PXDNL: variants seen among roughly 807,000 people sequenced by gnomAD.
PXDNL encodes the protein probable oxidoreductase PXDNL.
In PXDNL, 145 loss-of-function variants were observed where a neutral mutation model predicts 150.8. The observed-to-expected ratio is 0.96, with a 90% CI of 0.84 to 1.10. The LOEUF (loss-of-function observed/expected upper bound fraction) is 1.10. PXDNL is among the 50% of genes least tolerant of loss of function. The pLI, the probability that PXDNL is intolerant of heterozygous loss-of-function variation, is 0.00. For missense variants in PXDNL, 2,087 were observed against 1,873.9 expected (o/e 1.11, Z -2.10); for synonymous variants, 757 against 725.7 (o/e 1.04, Z -0.69).
At chr8:51,460,136 G>C (rs1399865476) in intron 8 of PXDNL, among the ~76,000 whole-genome samples, 1 of 151,072 alleles carries the variant, frequency 6.6e-6, no homozygotes, top group Admixed American at 6.6e-5. Flanking sequence ...TGTAGTCCCA[G>C]CTACTTGGAG....
In PXDNL at chr8:51,602,144, T is replaced by G. The variant is rs78916372; in HGVS notation, c.237-9446A>C. Among the ~76,000 whole-genome samples the G allele has an allele frequency of 1.2e-3, 177 of 152,116 alleles. 3 individuals are homozygous for G. In the East Asian group the frequency reaches 0.033, roughly 29 times the overall value. On this transcript the variant is annotated intron_variant, in intron 2 of 22. Transcript: ENST00000356297. Reference sequence around the variant, plus strand: ...TGAGCATTGATTTTGGACAGTCTGGTGACTATACGCCTTGGTGATGTTTGT... The same window carrying G: ...TGAGCATTGATTTTGGACAGTCTGGGGACTATACGCCTTGGTGATGTTTGT...
At chr8:51,338,576 A>G (rs1019002840) in intron 21 of PXDNL, among the ~76,000 whole-genome samples, 2 of 152,234 alleles carry the variant, frequency 1.3e-5, no homozygotes, top group Non-Finnish European at 2.9e-5. Context: ...ATCCTCCTAC[A>G]GTGTTTTCTG....
At chr8:51,538,044 A>G (rs1034368044) in intron 4 of PXDNL, among the ~76,000 whole-genome samples, 3 of 152,232 alleles carry the variant, frequency 2.0e-5, no homozygotes, top group African/African-American at 7.2e-5. Flanking sequence ...GAATTGCATA[A>G]TGCAGAATAG....
Position 51,408,399 on chromosome 8 carries a change from G to A in PXDNL, c.3225C>T (p.Ser1075=), listed in dbSNP as rs1312885571. 31 of 1,613,902 alleles carry A rather than the reference G, an allele frequency of 1.9e-5. No homozygotes were observed. The highest frequency in any genetic ancestry group is 2.5e-5 in the Non-Finnish European group (30 of 1,179,912). Residue 1075 remains serine, a synonymous_variant, in exon 17 of 23, where the codon TCC becomes TCT. Transcript: ENST00000356297. ...CTTTATGGAACGGAAGGTGGCCTTC[G>A]GAAATTTCACCTAAGGTGGCATTCA... ...YRLNATLGEI[S]EGHLPFHKAL...
At position 51,411,368 on chromosome 8, in the gene PXDNL, A is replaced by G. The variant is rs1563400535; in HGVS notation, c.1944T>C (p.His648=). 1.9e-6 allele frequency: 3 copies of G among 1,576,586 alleles called. No individual in the cohort carries two copies. The highest frequency in any genetic ancestry group is 2.6e-6 in the Non-Finnish European group (3 of 1,166,732). The change falls in exon 16 of 23, where the codon CAT becomes CAC. Residue 648 remains histidine, a synonymous_variant. Transcript: ENST00000356297. ...CCACAATCAGTGGGTCACGCGGGTA[A>G]TGAAATTGAGCCAGCAGGTCACTGG... ...HTSSDLLAQF[H]YPRDPLIVEM... is the part of the protein sequence containing the mutation.
In PXDNL at chr8:51,411,374, T is replaced by A; in HGVS notation, c.1938A>T (p.Gln646His). 5 of 1,575,098 alleles carry A rather than the reference T, an allele frequency of 3.2e-6. No individual in the cohort carries two copies. Among genetic ancestry groups the A allele is most frequent in the Non-Finnish European group, 4.3e-6 (5 of 1,166,186 alleles). ...KPHTSSDLLA[Q>H]FHYPRDPLIV... ...TCAGTGGGTCACGCGGGTAATGAAA[T>A]TGAGCCAGCAGGTCACTGGAGGTGT... Residue 646 changes from glutamine (Q) to histidine (H), a missense_variant, in exon 16 of 23, where the codon CAA becomes CAT. Coordinates refer to ENST00000356297, the MANE Select transcript of PXDNL (RefSeq NM_144651.5).
intron 1 of PXDNL, among the ~76,000 whole-genome samples, chr8:51,763,878 T>C (rs1293288663): frequency 6.6e-6 from 1 of 152,250 alleles, no homozygotes. Flanking sequence ...GAAAAATCTG[T>C]GAAGAATTGT....
chr8:51,629,911 A>G (rs1431483539), intron 2 of PXDNL, among the ~76,000 whole-genome samples: 1 of 152,192 alleles, frequency 6.6e-6, no homozygotes, highest in African/African-American at 2.4e-5. Context: ...TACAAATGAC[A>G]TTTTTCAAAG....
rs202107462 is a variant in PXDNL, at chr8:51,744,893, GGAAA to G, written c.164+64284_164+64287del. On this transcript the variant is annotated intron_variant, in intron 1 of 22. Transcript: ENST00000356297. ...AAAAGGGAAAGAGAAAGAGAAGGAA[GGAAA>G]GAAGGAAGGAAGGAAGGAAGGAAAG... 7.0e-4 allele frequency among the ~76,000 whole-genome samples: 94 copies of G among 135,094 alleles called. 1 individual carries two copies. The highest frequency in any genetic ancestry group is 4.7e-3 in the Middle Eastern group (1 of 212). 88.6% of individuals were successfully genotyped at this position (135,094 alleles called of 152,430 possible). A position where few individuals can be genotyped will look rare whatever the true frequency, so the allele number is the denominator to read the frequency against.
chr8:51,400,157 C>T (rs890066527), intron 17 of PXDNL, among the ~76,000 whole-genome samples: 1 of 152,176 alleles, frequency 6.6e-6, no homozygotes, highest in Non-Finnish European at 1.5e-5. Flanking sequence ...AATACATGCA[C>T]ATACATAATG....
At chr8:51,665,048 A>C (rs1815352975) in intron 1 of PXDNL, among the ~76,000 whole-genome samples, 1 of 152,226 alleles carries the variant, frequency 6.6e-6, no homozygotes, top group African/African-American at 2.4e-5. Flanking sequence ...CTGCCCTGCC[A>C]GCTGCACCAT....
At position 51,803,262 on chromosome 8, in the gene PXDNL, C is replaced by G. The variant is rs140727113; in HGVS notation, c.164+5919G>C. On this transcript the variant is annotated intron_variant, in intron 1 of 22. Transcript: ENST00000356297. ...GAAGCTCTCAGTTACTTGCTTATAT[C>G]AATATCTCAGCGAGTATCTCTCTTT... 6.5e-3 allele frequency among the ~76,000 whole-genome samples: 989 copies of G among 152,262 alleles called. 6 individuals are homozygous for G. The highest frequency in any genetic ancestry group is 0.017 in the Middle Eastern group (5 of 294).
chr8:51,668,177 T>TC (rs911658948), intron 1 of PXDNL, among the ~76,000 whole-genome samples: 1 of 21,458 alleles, frequency 4.7e-5, no homozygotes, highest in Non-Finnish European at 7.9e-5. Flanking sequence ...TCGCTCTCTC[T>TC]TTTTTTTTTT....
intron 2 of PXDNL, among the ~76,000 whole-genome samples, chr8:51,638,884 T>A (rs1214306402): frequency 1.3e-5 from 2 of 152,094 alleles, no homozygotes; most frequent in Non-Finnish European, 2.9e-5. Context: ...CCACCCCAAA[T>A]CAACAGAATA....
chr8:51,534,471 G>C (rs1337916682), intron 4 of PXDNL, among the ~76,000 whole-genome samples: 1 of 81,170 alleles, frequency 1.2e-5, no homozygotes, highest in Non-Finnish European at 2.2e-5. Context: ...GCCCCGTCCG[G>C]GAGGGAGGTG....
chr8:51,668,917 TGATA>T (rs150069359), intron 1 of PXDNL, among the ~76,000 whole-genome samples: 3,996 of 152,224 alleles, frequency 0.026, 190 homozygotes, highest in African/African-American at 0.091. Flanking sequence ...TGTTGACAAA[TGATA>T]GATGGATGGA....
chr8:51,502,894 A>T (rs1051787710), intron 4 of PXDNL, among the ~76,000 whole-genome samples: 1 of 152,180 alleles, frequency 6.6e-6, no homozygotes, highest in Non-Finnish European at 1.5e-5. Flanking sequence ...GCAAAGAGAC[A>T]ATCTAAGGGG....
At chr8:51,659,720 G>T (rs1029226461) in intron 1 of PXDNL, among the ~76,000 whole-genome samples, 1 of 152,100 alleles carries the variant, frequency 6.6e-6, no homozygotes, top group Non-Finnish European at 1.5e-5. Context: ...CTAGCAGAGT[G>T]ATAGAAAAGC....
intron 2 of PXDNL, among the ~76,000 whole-genome samples, chr8:51,608,100 A>G (rs1312356859): frequency 7.0e-6 from 1 of 143,730 alleles, no homozygotes; most frequent in African/African-American, 2.7e-5. Context: ...CAAGCAAGCA[A>G]GCAAGCAAGC....
Sources: allele counts gnomAD v4.1 joint callset (sites outside exome capture counted in the v4.1 genomes callset), GRCh38; gene constraint gnomAD v4.1.1; transcripts MANE v1.5; gene names NCBI Gene and HGNC (gene_info 2026-07-23, HGNC 2026-07-21).